The following SART1 variants were observed in gnomAD, a reference collection of about 807,000 sequenced individuals.
The protein encoded by SART1 is U4/U6.U5 tri-snRNP-associated protein 1.
A neutral mutation model predicts 105.0 loss-of-function variants in SART1; 28 were observed. The ratio of observed to expected loss-of-function variants is 0.27; its 90% CI spans 0.20 to 0.37. The LOEUF is 0.37. SART1 is among the 10% of genes least tolerant of loss of function. The pLI, the probability that SART1 is intolerant of heterozygous loss-of-function variation, is 1.00. For missense variants in SART1, 894 were observed against 1,106.5 expected (o/e 0.81, Z 2.72); for synonymous variants, 472 against 462.9 (o/e 1.02, Z -0.25).
chr11:65,968,599 A>G lies in SART1; in HGVS notation c.1572+778A>G, dbSNP rs543369146. 7.9e-5 allele frequency among the ~76,000 whole-genome samples: 12 copies of G among 152,298 alleles called. 1 individual carries two copies. In the East Asian group the frequency reaches 2.3e-3, roughly 29 times the overall value. On this transcript the variant is annotated intron_variant, in intron 12 of 19. Transcript: ENST00000312397. ...GCAGGGAAGACCTTTCCAAGGTACTAGTTCATCTGAGACTTGAGTCACACA... is the reference window on the plus strand; with the variant it reads ...GCAGGGAAGACCTTTCCAAGGTACTGGTTCATCTGAGACTTGAGTCACACA...
intron 17 of SART1, 63 bp downstream of exon 17, chr11:65,977,962 T>G (rs1590646263): frequency 6.5e-7 from 1 of 1,549,124 alleles, no homozygotes; most frequent in Non-Finnish European, 8.8e-7. Context: ...CCCAGGGCCA[T>G]GCAATGCCCC....
chr11:65,965,775 G>A lies in SART1; in HGVS notation c.734G>A (p.Arg245Gln), dbSNP rs200524670. 24 of 1,614,004 alleles carry A rather than the reference G, an allele frequency of 1.5e-5. No individual in the cohort carries two copies. Among genetic ancestry groups the A allele is most frequent in the African/African-American group, 1.5e-4 (11 of 75,042 alleles). ...GTGGAGGAGGAGTTCGGGCAGAGGCGGCAGGTGAGGCTGCAGCAGGGGTGG... is the reference window on the plus strand; with the variant it reads ...GTGGAGGAGGAGTTCGGGCAGAGGCAGCAGGTGAGGCTGCAGCAGGGGTGG... The part of the protein sequence containing the change: ...TLVEEEFGQR[R>Q]QDLYSARDLQ... Residue 245 changes from arginine to glutamine, a missense_variant, in exon 6 of 20, where the codon CGG (arginine) becomes CAG (glutamine). By Grantham distance (43) the Arg-to-Gln change is conservative. Around this residue, in one of 2 missense-constraint regions of SART1, gnomAD observed 712 missense variants for 778.2 expected, o/e 0.91. Coordinates refer to ENST00000312397, the MANE Select transcript of SART1 (RefSeq NM_005146.5).
intron 1 of SART1, 30 bp downstream of exon 1, chr11:65,962,123 GGTC>G: frequency 8.7e-7 from 1 of 1,144,448 alleles, no homozygotes; most frequent in Non-Finnish European, 1.2e-6. Flanking sequence ...GCAGGGGGCG[GGTC>G]GGGCGGGGGT....
chr11:65,976,622 G>C lies in SART1; in HGVS notation c.1747-34G>C. 2 of 1,613,406 alleles carry C rather than the reference G, an allele frequency of 1.2e-6. No individual in the cohort carries two copies. Among genetic ancestry groups the C allele is most frequent in the Non-Finnish European group, 1.7e-6 (2 of 1,179,810 alleles). On this transcript the variant is annotated intron_variant, in intron 13 of 19. Transcript: ENST00000312397. The surrounding 1 kb of genome is among the most constrained non-coding windows in gnomAD (Gnocchi z 5.1). ...TTCCCTCGGCTGGGTGGGCTGGCTG[G>C]GGCCTGGGCCGACCCTGGTCTTTTG...
chr11:65,967,190 C>T (rs910055731), intron 9 of SART1, 69 bp from the exon 10 acceptor site: 2 of 1,580,368 alleles, frequency 1.3e-6, no homozygotes, highest in African/African-American at 1.3e-5. Context: ...GAAGTGTTCA[C>T]CCTCGAGGGC....
chr11:65,961,876 C>T lies in SART1; in HGVS notation c.96C>T (p.His32=), dbSNP rs755434498. 2 of 1,571,350 alleles carry T rather than the reference C, an allele frequency of 1.3e-6. No individual in the cohort carries two copies. The highest frequency in any genetic ancestry group is 1.4e-5 in the African/African-American group (1 of 71,216). The part of the protein sequence containing the change: ...TGGATEQPPR[H]REHKKHKHRS... ...GTGCCACCGAGCAGCCGCCGCGGCA[C>T]CGGGAACACAAAAAACACAAGCACC... is the stretch of plus-strand genomic sequence containing the variant. Residue 32 remains histidine (H), a synonymous_variant, in exon 1 of 20, where the codon CAC becomes CAT. Coordinates refer to ENST00000312397, the MANE Select transcript of SART1 (RefSeq NM_005146.5).
rs1037882783 is a variant in SART1, at chr11:65,969,040, C to T, written c.1572+1219C>T. Among the ~76,000 whole-genome samples, 49 of 152,174 alleles carry T rather than the reference C, an allele frequency of 3.2e-4. 1 individual carries two copies. Among genetic ancestry groups the T allele is most frequent in the Non-Finnish European group, 2.9e-4 (20 of 68,028 alleles). On this transcript the variant is annotated intron_variant, in intron 12 of 19. Transcript: ENST00000312397. Reference sequence around the variant, plus strand: ...GAGAGGGAGCAAGGGAGGGAAGCTTCTGATACTACTGGGAGGCAAAGTGGG... The same window carrying T: ...GAGAGGGAGCAAGGGAGGGAAGCTTTTGATACTACTGGGAGGCAAAGTGGG...
intron 17 of SART1, 78 bp downstream of exon 17, chr11:65,977,977 C>A: frequency 6.8e-7 from 1 of 1,462,692 alleles, no homozygotes; most frequent in Non-Finnish European, 9.3e-7. Flanking sequence ...TGCCCCGGGC[C>A]ATGCAATGCC....
Position 65,976,243 on chromosome 11 carries a change from G to A in SART1, c.1573-152G>A. ...GAGTGACCCCAGTGAAAGAGGTGCA[G>A]AGTGGAGTTAGGCGGCAGATAGCAG... On this transcript the variant is annotated intron_variant, in intron 12 of 19. Transcript: ENST00000312397. The surrounding 1 kb of genome is among the most constrained non-coding windows in gnomAD (Gnocchi z 5.1). 1 of 698,982 alleles carries A rather than the reference G, an allele frequency of 1.4e-6. No homozygotes were observed. The highest frequency in any genetic ancestry group is 2.3e-6 in the Non-Finnish European group (1 of 435,552). The allele number at this position is 698,982 out of a possible 1,614,324, so 43.3% of individuals were successfully genotyped here.
In SART1 at chr11:65,962,117, G is replaced by A. The variant is rs1012822978; in HGVS notation, c.313+24G>A. ...CGGTGAGGAGGCGGGGCCTGCGCAG[G>A]GGGCGGGTCGGGCGGGGGTCCCGGA... On this transcript the variant is annotated intron_variant, in intron 1 of 19. Coordinates refer to ENST00000312397, the MANE Select transcript of SART1 (RefSeq NM_005146.5). The A allele has an allele frequency of 2.3e-4, 274 of 1,193,792 alleles. 2 individuals are homozygous for A. Among genetic ancestry groups the A allele is most frequent in the Non-Finnish European group, 2.9e-4 (255 of 888,596 alleles). The allele number at this position is 1,193,792 out of a possible 1,614,324, so 73.9% of individuals were successfully genotyped here.
chr11:65,973,432 C>G (rs1451643089), intron 12 of SART1, among the ~76,000 whole-genome samples: 4 of 152,176 alleles, frequency 2.6e-5, no homozygotes, highest in Admixed American at 2.6e-4. Flanking sequence ...AATCCAGTTT[C>G]AGGAGGGATC....
At chr11:65,974,041 T>C (rs1293721736) in intron 12 of SART1, among the ~76,000 whole-genome samples, 1 of 151,658 alleles carries the variant, frequency 6.6e-6, no homozygotes, top group Non-Finnish European at 1.5e-5. Flanking sequence ...GAGAGGGACA[T>C]GGGTGTGTGT....
At chr11:65,969,352 A>G (rs916087968) in intron 12 of SART1, among the ~76,000 whole-genome samples, 1 of 152,208 alleles carries the variant, frequency 6.6e-6, no homozygotes, top group African/African-American at 2.4e-5. Flanking sequence ...AAATGGAGCA[A>G]TAGGCTGACA....
intron 11 of SART1, 29 bp from the exon 12 acceptor site, chr11:65,967,650 T>G (rs1855287676): frequency 1.3e-6 from 2 of 1,587,900 alleles, no homozygotes; most frequent in Non-Finnish European, 1.7e-6. Flanking sequence ...GGAGATGGTC[T>G]GAGCAGGCAT....
intron 1 of SART1, among the ~76,000 whole-genome samples, chr11:65,963,604 C>T (rs1197154759): frequency 6.6e-6 from 1 of 152,146 alleles, no homozygotes; most frequent in Non-Finnish European, 1.5e-5. Context: ...ACCTCAGCCT[C>T]CCGAGTATCT....
intron 12 of SART1, among the ~76,000 whole-genome samples, chr11:65,968,430 C>T (rs1855307003): frequency 6.6e-6 from 1 of 152,128 alleles, no homozygotes; most frequent in Non-Finnish European, 1.5e-5. Context: ...GCTCATGGAG[C>T]TGGCTTTCTA....
intron 9 of SART1, among the ~76,000 whole-genome samples, chr11:65,966,784 C>G (rs535999286): frequency 6.6e-6 from 1 of 152,300 alleles, no homozygotes; most frequent in African/African-American, 2.4e-5. Context: ...GCTGCCAGCT[C>G]GTGCCTTGGA....
intron 12 of SART1, among the ~76,000 whole-genome samples, chr11:65,970,464 G>A (rs1230075696): frequency 6.6e-6 from 1 of 152,120 alleles, no homozygotes. Flanking sequence ...AAAAGATCTC[G>A]GCAGGCGGTG....
Position 65,978,725 on chromosome 11 carries a change from T to C in SART1, c.2262+36T>C. 1 of 1,613,642 alleles carries C rather than the reference T, an allele frequency of 6.2e-7. No homozygotes were observed. Among genetic ancestry groups the C allele is most frequent in the Non-Finnish European group, 8.5e-7 (1 of 1,179,728 alleles). ...TTGGGGATGTGGGGGGCCCTGTGCCTGCCGGGGCAGGGGTGGCTGGTGTGT... is the reference window on the plus strand; with the variant it reads ...TTGGGGATGTGGGGGGCCCTGTGCCCGCCGGGGCAGGGGTGGCTGGTGTGT... On this transcript the variant is annotated intron_variant, in intron 18 of 19. Transcript: ENST00000312397. This position sits in a 1 kb window ranked among gnomAD's most constrained non-coding sequence, Gnocchi z 6.8.
Sources: gnomAD v4.1 joint callset for allele counts (sites outside exome capture counted in the v4.1 genomes callset) on GRCh38, gnomAD v4.1.1 for gene constraint, gnomAD v4.1.1 regional missense constraint, Gnocchi (gnomAD v3.1) non-coding constraint, MANE v1.5 for transcripts, NCBI Gene and HGNC (gene_info 2026-07-23, HGNC 2026-07-21) for gene names.